Variants in GOLGB1 observed in about 807,000 individuals in gnomAD.
GOLGB1 encodes golgin B1.
A neutral mutation model predicts 336.9 loss-of-function variants in GOLGB1; 174 were observed. The observed-to-expected ratio is 0.52, with a 90% CI of 0.46 to 0.59. The LOEUF (loss-of-function observed/expected upper bound fraction) is 0.59. GOLGB1 is among the 20% of genes least tolerant of loss of function. GOLGB1 has a pLI of 0.00. For missense variants in GOLGB1, 3,331 were observed against 3,645.3 expected, an observed-to-expected ratio of 0.91 and a Z score of 2.22; for synonymous variants, 1,208 against 1,289.2, an observed-to-expected ratio of 0.94 and a Z score of 1.35.
At chr3:121,717,933 A>G (rs1392740206) in intron 8 of GOLGB1, among the ~76,000 whole-genome samples, 1 of 152,208 alleles carries the variant, frequency 6.6e-6, no homozygotes, top group African/African-American at 2.4e-5. Flanking sequence ...CACATAGCCT[A>G]AAGATAATTT....
intron 1 of GOLGB1, among the ~76,000 whole-genome samples, chr3:121,743,382 C>T (rs1394629690): frequency 3.3e-5 from 5 of 152,314 alleles, no homozygotes; most frequent in South Asian, 4.1e-4. Context: ...TCAAACACCG[C>T]ATGTTCTCAC....
intron 18 of GOLGB1, among the ~76,000 whole-genome samples, chr3:121,668,785 T>C (rs1939076636): frequency 6.6e-6 from 1 of 151,086 alleles, no homozygotes; most frequent in Non-Finnish European, 1.5e-5. Flanking sequence ...CCCCTTTTCC[T>C]CCTCCGTATC....
At chr3:121,740,698 G>A (rs542377397) in intron 1 of GOLGB1, among the ~76,000 whole-genome samples, 71 of 151,872 alleles carry the variant, frequency 4.7e-4, no homozygotes, top group African/African-American at 1.7e-3. Context: ...AAGAAATTAA[G>A]AGTTACATAG....
intron 8 of GOLGB1, 102 bp from the exon 9 acceptor site, chr3:121,717,241 T>C: frequency 1.1e-6 from 1 of 872,868 alleles, no homozygotes; most frequent in Non-Finnish European, 1.7e-6. Context: ...AATGGGAACA[T>C]GTTTCTATGC....
chr3:121,714,526 A>G (rs77076896), intron 10 of GOLGB1, among the ~76,000 whole-genome samples: 1 of 143,630 alleles, frequency 7.0e-6, no homozygotes, highest in Non-Finnish European at 1.5e-5. Context: ...TTAGTTTACC[A>G]AAAAAAAAAA....
intron 5 of GOLGB1, among the ~76,000 whole-genome samples, chr3:121,725,791 A>G (rs1428024396): frequency 3.9e-5 from 6 of 152,100 alleles, no homozygotes; most frequent in Non-Finnish European, 7.4e-5. Flanking sequence ...ATGGGTTGTC[A>G]TAGAAGGGGA....
At chr3:121,686,510 G>T (rs1353787111) in intron 14 of GOLGB1, among the ~76,000 whole-genome samples, 5 of 152,078 alleles carry the variant, frequency 3.3e-5, no homozygotes, top group Non-Finnish European at 7.4e-5. Flanking sequence ...TCAGAATGAG[G>T]AGAGTATAGA....
At chr3:121,726,763 C>G in intron 5 of GOLGB1, 150 bp downstream of exon 5, 1 of 445,954 alleles carries the variant, frequency 2.2e-6, no homozygotes, top group Non-Finnish European at 3.9e-6. Flanking sequence ...ATAAAATTAC[C>G]AGACAAGAAG....
rs536625179 is a variant in GOLGB1, at chr3:121,696,851, A to G, written c.3672T>C (p.Phe1224=). 4 of 1,614,086 alleles carry G rather than the reference A, an allele frequency of 2.5e-6. No individual in the cohort carries two copies. Among genetic ancestry groups the G allele is most frequent in the Non-Finnish European group, 3.4e-6 (4 of 1,179,984 alleles). The change falls in exon 13 of 22, where the codon TTT becomes TTC. Residue 1224 remains phenylalanine, a synonymous_variant. Transcript: ENST00000614479. ...KDDYNRLQEQ[F]DEQSKENENI... ...TCTCATTTTCCTTGCTTTGCTCATC[A>G]AACTGTTCTTGCAAGCGATTATAGT...
rs746460498 is a variant in GOLGB1 at position 121,698,438 on chromosome 3, T to C, written c.2085A>G (p.Lys695=). 1 of 1,613,958 alleles carries C rather than the reference T, an allele frequency of 6.2e-7. No individual in the cohort carries two copies. The highest frequency in any genetic ancestry group is 1.1e-5 in the South Asian group (1 of 91,082). The change falls in exon 13 of 22, where the codon AAA becomes AAG. Residue 695 remains lysine, a synonymous_variant. Coordinates refer to ENST00000614479, the MANE Select transcript of GOLGB1 (RefSeq NM_001366282.2). The stretch of plus-strand genomic sequence containing the variant: ...TTAGCTCGAGCTCCAAAATTTGACT[T>C]TTTAACCTTTCCAACTCATCCTGAT... ...QCHQDELERL[K]SQILELELNF...
intron 14 of GOLGB1, among the ~76,000 whole-genome samples, chr3:121,682,673 G>A (rs1015121035): frequency 6.6e-6 from 1 of 152,108 alleles, no homozygotes; most frequent in African/African-American, 2.4e-5. Flanking sequence ...AGGACATCTG[G>A]GCAAAGATGG....
At chr3:121,747,423 A>G (rs1947444823) in intron 1 of GOLGB1, among the ~76,000 whole-genome samples, 1 of 146,592 alleles carries the variant, frequency 6.8e-6, no homozygotes, top group Admixed American at 6.8e-5. Flanking sequence ...ATGTATATAT[A>G]TACATATATA....
intron 1 of GOLGB1, among the ~76,000 whole-genome samples, chr3:121,746,460 T>C (rs1224902961): frequency 6.8e-5 from 3 of 44,164 alleles, no homozygotes; most frequent in African/African-American, 2.2e-4. Flanking sequence ...TCACTTTATT[T>C]ATTTATTTAT....
intron 10 of GOLGB1, among the ~76,000 whole-genome samples, chr3:121,709,573 C>T (rs954005027): frequency 1.3e-5 from 2 of 152,068 alleles, no homozygotes; most frequent in Non-Finnish European, 2.9e-5. Flanking sequence ...TTAGAACACA[C>T]TTCTAAACAA....
chr3:121,735,075 T>C (rs1165181648), intron 1 of GOLGB1, among the ~76,000 whole-genome samples: 4 of 152,226 alleles, frequency 2.6e-5, no homozygotes, highest in Admixed American at 1.3e-4. Context: ...TTATATAACA[T>C]TTTGAACAAG....
chr3:121,719,774 GAC>G lies in GOLGB1; in HGVS notation c.649-8_649-7del. 6.3e-7 allele frequency: 1 copy of G among 1,590,518 alleles called. No individual in the cohort carries two copies. The highest frequency in any genetic ancestry group is 8.6e-7 in the Non-Finnish European group (1 of 1,169,440). On this transcript the variant is annotated splice_region_variant and splice_polypyrimidine_tract_variant and intron_variant, in intron 6 of 21. Transcript: ENST00000614479. Reference sequence around the variant, plus strand: ...ACCTGCTGCATGGAACTCAACTGAAGACACATACCAGAGAAACTATGCAAGTT... The same window carrying G: ...ACCTGCTGCATGGAACTCAACTGAAGACATACCAGAGAAACTATGCAAGTT...
At chr3:121,703,616 G>A (rs1016895088) in intron 10 of GOLGB1, among the ~76,000 whole-genome samples, 1 of 152,206 alleles carries the variant, frequency 6.6e-6, no homozygotes, top group Non-Finnish European at 1.5e-5. Flanking sequence ...GAGTTTTGAT[G>A]CCTCTCTATC....
At chr3:121,684,227 T>C (rs150780517) in intron 14 of GOLGB1, among the ~76,000 whole-genome samples, 3 of 64,936 alleles carry the variant, frequency 4.6e-5, no homozygotes, top group Non-Finnish European at 1.0e-4. Flanking sequence ...ATGAAAAAAA[T>C]GTTGGAATCA....
intron 1 of GOLGB1, among the ~76,000 whole-genome samples, chr3:121,732,802 A>G (rs1946204888): frequency 6.6e-6 from 1 of 152,168 alleles, no homozygotes; most frequent in South Asian, 2.1e-4. Flanking sequence ...GAATGTTCTC[A>G]CCATATGAGA....
Sources: allele counts gnomAD v4.1 joint callset (sites outside exome capture counted in the v4.1 genomes callset), GRCh38; gene constraint gnomAD v4.1.1; transcripts MANE v1.5; gene names NCBI Gene and HGNC (gene_info 2026-07-23, HGNC 2026-07-21).